FUT8: variants seen among roughly 807,000 people sequenced by gnomAD.
FUT8 encodes the protein fucosyltransferase 8.
FUT8 carries 29 observed loss-of-function variants against 71.3 expected under a neutral mutation model. That is an observed-to-expected ratio of 0.41 (90% CI 0.30 to 0.55). The LOEUF (loss-of-function observed/expected upper bound fraction) is 0.55. Ranked by LOEUF, FUT8 falls within the 20% of genes least tolerant of loss-of-function variation. The probability of loss-of-function intolerance (pLI) is 0.34; values close to 1 mark genes in which losing one functional copy is unlikely to be tolerated. For missense variants in FUT8, 544 were observed against 702.1 expected (o/e 0.77, Z 2.55); for synonymous variants, 254 against 239.3 (o/e 1.06, Z -0.57).
At chr14:65,611,257 A>G (rs1450251077) in intron 3 of FUT8, among the ~76,000 whole-genome samples, 1 of 78,006 alleles carries the variant, frequency 1.3e-5, no homozygotes, top group African/African-American at 9.3e-5. Flanking sequence ...ACACACACAC[A>G]CACACACACA....
At chr14:65,629,748 A>T in intron 6 of FUT8, 142 bp downstream of exon 6, 1 of 627,014 alleles carries the variant, frequency 1.6e-6, no homozygotes, top group Non-Finnish European at 2.8e-6. Context: ...ATTCAGAAAG[A>T]CACTGTGTTA....
At chr14:65,587,300 T>C (rs965430586) in intron 3 of FUT8, among the ~76,000 whole-genome samples, 2 of 152,196 alleles carry the variant, frequency 1.3e-5, no homozygotes, top group African/African-American at 2.4e-5. Flanking sequence ...GAAATAGTTA[T>C]GATCCTCACA....
chr14:65,497,260 G>A (rs907158933), intron 2 of FUT8, among the ~76,000 whole-genome samples: 10 of 152,182 alleles, frequency 6.6e-5, no homozygotes, highest in Non-Finnish European at 1.3e-4. Flanking sequence ...ATTTTGATCA[G>A]ATCTGAAGGA....
At chr14:65,591,989 TA>T (rs1008083201) in intron 3 of FUT8, among the ~76,000 whole-genome samples, 8 of 152,032 alleles carry the variant, frequency 5.3e-5, no homozygotes, top group Admixed American at 2.0e-4. Flanking sequence ...GCAAGATACT[TA>T]AAAAAAACTG....
chr14:65,398,738 AAAC>A, the FUT8 span, among the ~76,000 whole-genome samples: 4 of 151,954 alleles, frequency 2.6e-5, no homozygotes, highest in African/African-American at 9.7e-5. Flanking sequence ...CAAAAAAAAA[AAAC>A]AAAGAAACAA....
At chr14:65,474,486 C>T (rs181897024) in intron 2 of FUT8, among the ~76,000 whole-genome samples, 1 of 140,330 alleles carries the variant, frequency 7.1e-6, no homozygotes, top group African/African-American at 2.7e-5. Flanking sequence ...CACCTGTAAT[C>T]CCAGCTACTC....
intron 2 of FUT8, among the ~76,000 whole-genome samples, chr14:65,505,308 T>G (rs566201856): frequency 7.5e-6 from 1 of 132,872 alleles, no homozygotes; most frequent in Admixed American, 7.4e-5. Context: ...ACATTTCAGT[T>G]TTTTTTTTTT....
the FUT8 span, among the ~76,000 whole-genome samples, chr14:65,402,500 C>G: frequency 6.6e-6 from 1 of 151,874 alleles, no homozygotes; most frequent in African/African-American, 2.4e-5. Context: ...AACCCCGTCT[C>G]TACTAAAAAT....
At chr14:65,556,640 C>T (rs534946984) in intron 2 of FUT8, among the ~76,000 whole-genome samples, 5 of 152,214 alleles carry the variant, frequency 3.3e-5, no homozygotes, top group Non-Finnish European at 5.9e-5. Context: ...AGCCAACACT[C>T]AAGAGGAGGA....
chr14:65,458,530 ATTAT>A (rs2065927492), intron 2 of FUT8, among the ~76,000 whole-genome samples: 2 of 152,318 alleles, frequency 1.3e-5, no homozygotes, highest in East Asian at 3.9e-4. Flanking sequence ...ACTGTAGTTC[ATTAT>A]TTGTTATAGA....
Position 65,444,289 on chromosome 14 carries a change from A to G in FUT8, c.-325-11332A>G, listed in dbSNP as rs2065705402. Among the ~76,000 whole-genome samples, 2 of 152,224 alleles carry G rather than the reference A, an allele frequency of 1.3e-5. 1 individual carries two copies. The highest frequency in any genetic ancestry group is 4.1e-4 in the South Asian group (2 of 4,836). Reference sequence around the variant, plus strand: ...AGAAAAGCAAAACAAAAACAAACCAACAAACCTAGACAATAGCAAGCTGAC... The same window carrying G: ...AGAAAAGCAAAACAAAAACAAACCAGCAAACCTAGACAATAGCAAGCTGAC... On this transcript the variant is annotated intron_variant, in intron 1 of 10. Coordinates refer to ENST00000673929, the MANE Select transcript of FUT8 (RefSeq NM_001371533.1).
Position 65,612,385 on chromosome 14 carries a change from C to T in FUT8, c.204-3593C>T, listed in dbSNP as rs572620618. 1.1e-4 allele frequency among the ~76,000 whole-genome samples: 16 copies of T among 152,294 alleles called. No homozygotes were observed. In the South Asian group the frequency reaches 3.1e-3, roughly 30 times the overall value. ...ATTTTACCCAGCATCCCATGAATTA[C>T]GGTTTTCTAGTCTGGCTGATAGGAT... is the stretch of plus-strand genomic sequence containing the variant. On this transcript the variant is annotated intron_variant, in intron 3 of 10. Coordinates refer to ENST00000673929, the MANE Select transcript of FUT8 (RefSeq NM_001371533.1).
At chr14:65,625,073 A>G (rs1264739044) in intron 5 of FUT8, among the ~76,000 whole-genome samples, 1 of 151,222 alleles carries the variant, frequency 6.6e-6, no homozygotes, top group Non-Finnish European at 1.5e-5. Flanking sequence ...TCATAAATAA[A>G]TAAATAAATA....
upstream of FUT8, chr14:65,411,886 G>T: frequency 2.7e-6 from 1 of 371,182 alleles, no homozygotes; most frequent in Non-Finnish European, 5.3e-6. Context: ...GTGCTGGGGC[G>T]GCGCGCTCCG....
intron 2 of FUT8, chr14:65,488,436 GA>G (rs1030206454): frequency 3.9e-5 from 6 of 152,296 alleles, no homozygotes; most frequent in African/African-American, 1.4e-4. Flanking sequence ...TTTTGTGACT[GA>G]AAGGATCAGC....
chr14:65,564,366 G>A (rs1191305166), intron 3 of FUT8, among the ~76,000 whole-genome samples: 3 of 151,992 alleles, frequency 2.0e-5, no homozygotes, highest in African/African-American at 4.8e-5. Context: ...CTAGATTCAA[G>A]TCAATAATCT....
At chr14:65,739,484 C>T (rs1252001934) in intron 10 of FUT8, among the ~76,000 whole-genome samples, 1 of 152,034 alleles carries the variant, frequency 6.6e-6, no homozygotes, top group African/African-American at 2.4e-5. Flanking sequence ...AAACAGGTCT[C>T]TAAGGGTGTG....
At chr14:65,385,440 C>T in the FUT8 span, among the ~76,000 whole-genome samples, 1 of 152,120 alleles carries the variant, frequency 6.6e-6, no homozygotes, top group East Asian at 1.9e-4. Context: ...ACATGTTTTG[C>T]ATATAGAAAA....
chr14:65,486,176 AT>A (rs1299916412), intron 2 of FUT8, among the ~76,000 whole-genome samples: 3 of 152,204 alleles, frequency 2.0e-5, no homozygotes, highest in Non-Finnish European at 4.4e-5. Flanking sequence ...TTATATACAA[AT>A]TGTATTGGCA....
Sources: gnomAD v4.1 joint callset for allele counts (sites outside exome capture counted in the v4.1 genomes callset) on GRCh38, gnomAD v4.1.1 for gene constraint, MANE v1.5 for transcripts, NCBI Gene and HGNC (gene_info 2026-07-23, HGNC 2026-07-21) for gene names.